Variants in FARS2 observed in about 807,000 individuals in gnomAD.
FARS2 encodes the protein phenylalanine--tRNA ligase, mitochondrial.
A neutral mutation model predicts 46.4 loss-of-function variants in FARS2; 40 were observed. The observed-to-expected ratio is 0.86, with a 90% CI of 0.67 to 1.12. FARS2 has a LOEUF of 1.12. Among genes scored for constraint, FARS2 ranks in the 50% most tolerant of loss-of-function variants. FARS2 has a pLI of 0.00. For missense variants in FARS2, 513 were observed against 567.9 expected, an observed-to-expected ratio of 0.90 and a Z score of 0.98; for synonymous variants, 234 against 214.9, an observed-to-expected ratio of 1.09 and a Z score of -0.78.
At chr6:5,454,296 CTGTT>C (rs1764693495) in intron 4 of FARS2, among the ~76,000 whole-genome samples, 1 of 150,914 alleles carries the variant, frequency 6.6e-6, no homozygotes, top group African/African-American at 2.4e-5. Context: ...TTATTTCAAA[CTGTT>C]TGTACTGTTC....
intron 5 of FARS2, among the ~76,000 whole-genome samples, chr6:5,584,931 A>G (rs1773533624): frequency 6.6e-6 from 1 of 152,202 alleles, no homozygotes; most frequent in African/African-American, 2.4e-5. Context: ...CAGAATAAGA[A>G]TTAGATTACA....
At position 5,392,258 on chromosome 6, in the gene FARS2, A is replaced by G. The variant is rs560628695; in HGVS notation, c.613-12284A>G. ...TACAGTCTCTTCCAGCTCCAGTGTTATATTTCCATTAGAAATAATCTCTGC... is the reference window on the plus strand; with the variant it reads ...TACAGTCTCTTCCAGCTCCAGTGTTGTATTTCCATTAGAAATAATCTCTGC... On this transcript the variant is annotated intron_variant, in intron 2 of 6. Coordinates refer to ENST00000274680, the MANE Select transcript of FARS2 (RefSeq NM_006567.5). Among the ~76,000 whole-genome samples the G allele has an allele frequency of 5.9e-5, 9 of 152,184 alleles. No individual in the cohort carries two copies. In the East Asian group the frequency reaches 1.5e-3, roughly 26 times the overall value.
chr6:5,605,482 C>T (rs1774780464), intron 5 of FARS2, among the ~76,000 whole-genome samples: 1 of 152,216 alleles, frequency 6.6e-6, no homozygotes, highest in South Asian at 2.1e-4. Flanking sequence ...ATGTCATCAT[C>T]AGCCGTATCA....
chr6:5,723,935 C>A (rs1416199480), intron 6 of FARS2, among the ~76,000 whole-genome samples: 1 of 152,202 alleles, frequency 6.6e-6, no homozygotes, highest in African/African-American at 2.4e-5. Context: ...CAGGCACACT[C>A]CCCCAAGACA....
chr6:5,448,647 T>C (rs147577354), intron 4 of FARS2, among the ~76,000 whole-genome samples: 128 of 152,352 alleles, frequency 8.4e-4, no homozygotes, highest in East Asian at 4.0e-3. Flanking sequence ...AAAACAATGT[T>C]TCAGTGAATA....
chr6:5,280,333 A>G (rs1033165290), intron 1 of FARS2, among the ~76,000 whole-genome samples: 6 of 152,258 alleles, frequency 3.9e-5, no homozygotes, highest in African/African-American at 1.4e-4. Context: ...CTAAGAAGTA[A>G]CAAAATTAAT....
chr6:5,592,268 C>T (rs947792550), intron 5 of FARS2, among the ~76,000 whole-genome samples: 1 of 152,030 alleles, frequency 6.6e-6, no homozygotes, highest in Non-Finnish European at 1.5e-5. Flanking sequence ...TGCTTTTAGT[C>T]CCAGCTACTT....
intron 6 of FARS2, among the ~76,000 whole-genome samples, chr6:5,642,690 T>G (rs1271283051): frequency 6.6e-6 from 1 of 152,236 alleles, no homozygotes; most frequent in Non-Finnish European, 1.5e-5. Flanking sequence ...CTTAGATGCC[T>G]GCTTTCCAGT....
At chr6:5,413,164 A>G (rs563068794) in intron 3 of FARS2, among the ~76,000 whole-genome samples, 3 of 152,210 alleles carry the variant, frequency 2.0e-5, no homozygotes, top group East Asian at 1.9e-4. Context: ...TCTTTAGAGA[A>G]AGGTTGAGAT....
At chr6:5,616,307 T>A (rs1320829896) in intron 6 of FARS2, among the ~76,000 whole-genome samples, 2 of 152,208 alleles carry the variant, frequency 1.3e-5, no homozygotes, top group African/African-American at 4.8e-5. Flanking sequence ...TCCAGGAGTT[T>A]CCATGTTGAT....
chr6:5,667,900 C>T (rs564291827), intron 6 of FARS2: 1 of 152,206 alleles, frequency 6.6e-6, no homozygotes, highest in South Asian at 2.1e-4. Flanking sequence ...TGCTGGTGAT[C>T]GACTCTTAGA....
At chr6:5,495,825 C>T (rs1767429374) in intron 4 of FARS2, among the ~76,000 whole-genome samples, 1 of 152,168 alleles carries the variant, frequency 6.6e-6, no homozygotes, top group South Asian at 2.1e-4. Context: ...TTTAAATTCT[C>T]ATGATTTAAG....
intron 5 of FARS2, among the ~76,000 whole-genome samples, chr6:5,556,930 A>G (rs1324194861): frequency 5.3e-5 from 8 of 152,120 alleles, no homozygotes; most frequent in African/African-American, 1.2e-4. Flanking sequence ...GGAATCATCT[A>G]TCTGACTGAA....
intron 2 of FARS2, chr6:5,371,257 C>G (rs1383156226): frequency 2.5e-6 from 2 of 796,070 alleles, no homozygotes; most frequent in African/African-American, 3.7e-5. Context: ...CTGACCTAAT[C>G]TTAACTCTAA....
At chr6:5,738,256 A>G (rs1761077707) in intron 6 of FARS2, among the ~76,000 whole-genome samples, 2 of 152,214 alleles carry the variant, frequency 1.3e-5, no homozygotes, top group South Asian at 2.1e-4. Flanking sequence ...AGCTACTTCT[A>G]GAATTTTTTA....
chr6:5,518,160 G>A (rs550953306), intron 4 of FARS2, among the ~76,000 whole-genome samples: 1 of 152,332 alleles, frequency 6.6e-6, no homozygotes, highest in African/African-American at 2.4e-5. Context: ...TTGGAAGGCT[G>A]TTGTTGCTGC....
intron 4 of FARS2, among the ~76,000 whole-genome samples, chr6:5,450,882 C>T (rs1055747288): frequency 2.0e-5 from 3 of 152,236 alleles, no homozygotes; most frequent in Admixed American, 6.5e-5. Context: ...TATTGCCGTG[C>T]CTCTCTGGAA....
At position 5,544,480 on chromosome 6, in the gene FARS2, C is replaced by T. The variant is rs77092962; in HGVS notation, c.905-700C>T. On this transcript the variant is annotated intron_variant, in intron 4 of 6. Coordinates refer to ENST00000274680, the MANE Select transcript of FARS2 (RefSeq NM_006567.5). Reference sequence around the variant, plus strand: ...CAGTGTGAACTGCTCCTTTGCCTGCCTTCATTCTGCAGTTTCTATCTTCCC... The same window carrying T: ...CAGTGTGAACTGCTCCTTTGCCTGCTTTCATTCTGCAGTTTCTATCTTCCC... Among the ~76,000 whole-genome samples the T allele has an allele frequency of 5.8e-3, 880 of 152,274 alleles. 9 individuals carry two copies. The highest frequency in any genetic ancestry group is 0.024 in the South Asian group (116 of 4,822).
intron 6 of FARS2, among the ~76,000 whole-genome samples, chr6:5,638,788 G>T (rs1266929295): frequency 6.6e-6 from 1 of 152,102 alleles, no homozygotes; most frequent in Non-Finnish European, 1.5e-5. Context: ...CAGTTTCCTC[G>T]CGCGAGAGAA....
Sources: allele counts gnomAD v4.1 joint callset (sites outside exome capture counted in the v4.1 genomes callset), GRCh38; gene constraint gnomAD v4.1.1; transcripts MANE v1.5; gene names NCBI Gene and HGNC (gene_info 2026-07-23, HGNC 2026-07-21).